The following FSTL4 variants were observed in gnomAD, a reference collection of about 807,000 sequenced individuals.
FSTL4 encodes follistatin-related protein 4.
In FSTL4, 28 loss-of-function variants were observed where a neutral mutation model predicts 78.2. The ratio of observed to expected loss-of-function variants is 0.36; its 90% confidence interval spans 0.27 to 0.49. FSTL4 has a LOEUF of 0.49. FSTL4 is among the 20% of genes least tolerant of loss of function. The pLI, the probability that FSTL4 is intolerant of heterozygous loss-of-function variation, is 0.98. For missense variants in FSTL4, 922 were observed against 1,084.9 expected (o/e 0.85, Z 2.11); for synonymous variants, 422 against 440.5 (o/e 0.96, Z 0.53).
chr5:133,395,383 C>T (rs868147769), intron 4 of FSTL4, among the ~76,000 whole-genome samples: 4 of 152,288 alleles, frequency 2.6e-5, no homozygotes, highest in South Asian at 2.1e-4. Flanking sequence ...AGCTTCACTC[C>T]TGAAGCCAGC....
intron 2 of FSTL4, chr5:133,583,302 T>C: frequency 7.4e-6 from 2 of 270,390 alleles, no homozygotes; most frequent in Non-Finnish European, 1.5e-5. Flanking sequence ...GGAGCCAAGA[T>C]GGCCGAATAG....
chr5:133,332,819 T>C (rs897813107), intron 4 of FSTL4, among the ~76,000 whole-genome samples: 1 of 152,272 alleles, frequency 6.6e-6, no homozygotes, highest in South Asian at 2.1e-4. Context: ...CTCACCTCCA[T>C]TTTTGTTTTT....
chr5:133,718,261 A>G, the FSTL4 span, among the ~76,000 whole-genome samples: 1 of 151,968 alleles, frequency 6.6e-6, no homozygotes, highest in Non-Finnish European at 1.5e-5. Context: ...TGACATTTTT[A>G]GTAGAGACAA....
At chr5:133,359,013 C>A (rs1307237529) in intron 4 of FSTL4, among the ~76,000 whole-genome samples, 1 of 152,172 alleles carries the variant, frequency 6.6e-6, no homozygotes, top group Non-Finnish European at 1.5e-5. Flanking sequence ...AATTCTCACA[C>A]GGTGGGGTCT....
intron 6 of FSTL4, among the ~76,000 whole-genome samples, chr5:133,263,213 T>A (rs1752571825): frequency 6.6e-6 from 1 of 151,730 alleles, no homozygotes; most frequent in Admixed American, 6.6e-5. Flanking sequence ...TCTTTAACCA[T>A]GGAAGGTGGG....
intron 3 of FSTL4, among the ~76,000 whole-genome samples, chr5:133,432,030 T>C (rs1756950789): frequency 1.3e-5 from 2 of 152,224 alleles, no homozygotes; most frequent in Admixed American, 1.3e-4. Flanking sequence ...TGGACCTACC[T>C]CAGTTGAGAG....
At chr5:133,220,006 C>T (rs1751039283) in intron 12 of FSTL4, among the ~76,000 whole-genome samples, 1 of 152,240 alleles carries the variant, frequency 6.6e-6, no homozygotes, top group African/African-American at 2.4e-5. Flanking sequence ...ATGGAACAGC[C>T]TGAGATATAC....
At chr5:133,237,731 T>C (rs1222582882) in intron 7 of FSTL4, among the ~76,000 whole-genome samples, 1 of 152,234 alleles carries the variant, frequency 6.6e-6, no homozygotes, top group East Asian at 1.9e-4. Flanking sequence ...TAACAATTGA[T>C]TTATAAGAAG....
intron 4 of FSTL4, among the ~76,000 whole-genome samples, chr5:133,382,483 A>G (rs183984617): frequency 5.7e-4 from 87 of 152,292 alleles, no homozygotes; most frequent in Non-Finnish European, 1.0e-3. Flanking sequence ...ACTGGATGCA[A>G]GAATACTGAG....
In FSTL4 at chr5:133,236,600, G is replaced by A. The variant is rs1013843870; in HGVS notation, c.895-3063C>T. On this transcript the variant is annotated intron_variant, in intron 7 of 15. Transcript: ENST00000265342. This position sits in a 1 kb window ranked among gnomAD's most constrained non-coding sequence, Gnocchi z 5.0. ...GGTGATGCCAGGGACCCCGGCTTCCGGCCCACAGACTCTGCCCTGAGCCAG... is the reference window on the plus strand; with the variant it reads ...GGTGATGCCAGGGACCCCGGCTTCCAGCCCACAGACTCTGCCCTGAGCCAG... 2.0e-5 allele frequency among the ~76,000 whole-genome samples: 3 copies of A among 152,090 alleles called. No homozygotes were observed. The highest frequency in any genetic ancestry group is 2.1e-4 in the South Asian group (1 of 4,818).
the FSTL4 span, among the ~76,000 whole-genome samples, chr5:133,684,684 C>G: frequency 6.6e-6 from 1 of 152,138 alleles, no homozygotes; most frequent in African/African-American, 2.4e-5. Flanking sequence ...AGCATTCAAC[C>G]AGGGGACTCG....
chr5:133,725,436 T>C, the FSTL4 span, among the ~76,000 whole-genome samples: 783 of 152,316 alleles, frequency 5.1e-3, 6 homozygotes, highest in Non-Finnish European at 8.7e-3. Flanking sequence ...AGAGATGTGT[T>C]CTCCACGAGC....
At chr5:133,708,708 A>G in the FSTL4 span, among the ~76,000 whole-genome samples, 10 of 152,218 alleles carry the variant, frequency 6.6e-5, no homozygotes, top group Non-Finnish European at 1.2e-4. Flanking sequence ...CCCTCTGGTT[A>G]TTCTCTCCTT....
intron 6 of FSTL4, among the ~76,000 whole-genome samples, chr5:133,271,072 T>A (rs888949364): frequency 2.0e-5 from 3 of 152,206 alleles, no homozygotes; most frequent in African/African-American, 7.2e-5. Flanking sequence ...GGGAAGTGGC[T>A]GCAGCAGGAA....
chr5:133,675,231 A>T, the FSTL4 span, among the ~76,000 whole-genome samples: 1 of 152,194 alleles, frequency 6.6e-6, no homozygotes, highest in Non-Finnish European at 1.5e-5. Context: ...GCTAGCACAA[A>T]GGAGCTCGTG....
intron 4 of FSTL4, among the ~76,000 whole-genome samples, chr5:133,360,150 C>T (rs1755037960): frequency 6.6e-6 from 1 of 152,230 alleles, no homozygotes; most frequent in Admixed American, 6.5e-5. Flanking sequence ...CCTCTTCGTC[C>T]CCAATCGGGT....
chr5:133,829,888 A>C, the FSTL4 span, among the ~76,000 whole-genome samples: 43 of 152,216 alleles, frequency 2.8e-4, no homozygotes, highest in African/African-American at 8.2e-4. Context: ...CTCTGCCCTG[A>C]GAAGATGCTC....
chr5:133,343,361 G>A (rs906144839), intron 4 of FSTL4, among the ~76,000 whole-genome samples: 1 of 152,202 alleles, frequency 6.6e-6, no homozygotes, highest in Non-Finnish European at 1.5e-5. Flanking sequence ...TGTGGAGACA[G>A]CCTGCAGCCA....
chr5:133,657,730 TG>T, the FSTL4 span, among the ~76,000 whole-genome samples: 10 of 152,028 alleles, frequency 6.6e-5, no homozygotes, highest in East Asian at 1.9e-3. Context: ...AAGATCTATT[TG>T]CATTACTAAA....
Sources: allele counts gnomAD v4.1 joint callset (sites outside exome capture counted in the v4.1 genomes callset), GRCh38; gene constraint gnomAD v4.1.1; non-coding constraint Gnocchi (gnomAD v3.1); transcripts MANE v1.5; gene names NCBI Gene and HGNC (gene_info 2026-07-23, HGNC 2026-07-21).